The following HDGFL3 variants were observed in gnomAD, a reference collection of about 807,000 sequenced individuals.
HDGFL3 encodes HDGF like 3, also known as hepatoma-derived growth factor-related protein 3.
Under a neutral mutation model 27.6 loss-of-function variants are expected in HDGFL3, and 6 were observed. That is an observed-to-expected ratio of 0.22 (90% CI 0.12 to 0.43). The LOEUF (loss-of-function observed/expected upper bound fraction) is 0.43, where lower values mean the gene tolerates loss of function less well. Among genes scored for constraint, HDGFL3 ranks in the 20% least tolerant of loss-of-function variants. The pLI, the probability that HDGFL3 is intolerant of heterozygous loss-of-function variation, is 1.00. For synonymous variants in HDGFL3, 88 were observed against 88.9 expected (o/e 0.99, Z 0.05); for missense variants, 207 against 250.1 (o/e 0.83, Z 1.16).
Position 83,136,559 on chromosome 15 carries a change from CTTT to C in HDGFL3, c.*2708_*2710del, listed in dbSNP as rs757550296. 28 of 1,613,586 alleles carry C rather than the reference CTTT, an allele frequency of 1.7e-5. 1 individual carries two copies. The Admixed American group carries it at 4.7e-4, about 27-fold the overall frequency. On this transcript the variant is annotated 3_prime_UTR_variant, in exon 6 of 6. Transcript: ENST00000299633. ...CAGAGTCCCTGAAGAAGCAAAAATC[CTTT>C]TTTTAGCATTAAACATAGCATATGG... is the stretch of plus-strand genomic sequence containing the variant.
At chr15:83,145,076 C>T (rs577690612) in intron 5 of HDGFL3, among the ~76,000 whole-genome samples, 1 of 151,890 alleles carries the variant, frequency 6.6e-6, no homozygotes, top group Admixed American at 6.6e-5. Context: ...AAAAAGGGAC[C>T]CTCGTAAAAA....
Position 83,151,371 on chromosome 15 carries a change from T to C in HDGFL3, c.460-10A>G. On this transcript the variant is annotated splice_polypyrimidine_tract_variant and intron_variant, in intron 4 of 5. Coordinates refer to ENST00000299633, the MANE Select transcript of HDGFL3 (RefSeq NM_016073.4). ...ACTGTTTAGAGGATTTCTAAATGTT[T>C]AGACAAGTTAAATATTATAGTCAAA... 1 of 1,597,792 alleles carries C rather than the reference T, an allele frequency of 6.3e-7. No individual in the cohort carries two copies. The highest frequency in any genetic ancestry group is 1.1e-5 in the South Asian group (1 of 87,706).
At chr15:83,158,841 T>A (rs961254289) in intron 2 of HDGFL3, among the ~76,000 whole-genome samples, 23 of 152,158 alleles carry the variant, frequency 1.5e-4, no homozygotes, top group African/African-American at 5.5e-4. Context: ...TTATTCACTA[T>A]TATTTCTTTC....
intron 1 of HDGFL3, among the ~76,000 whole-genome samples, chr15:83,166,594 C>T (rs541228552): frequency 2.4e-4 from 36 of 152,234 alleles, no homozygotes; most frequent in African/African-American, 7.9e-4. Flanking sequence ...TCCTACATTG[C>T]TATAAAGAAG....
chr15:83,148,576 C>G (rs1042782557), intron 5 of HDGFL3, among the ~76,000 whole-genome samples: 1 of 151,574 alleles, frequency 6.6e-6, no homozygotes, highest in East Asian at 1.9e-4. Flanking sequence ...GAGCCAAGAT[C>G]GCACCACTGT....
At chr15:83,199,563 C>T (rs1043854569) in intron 1 of HDGFL3, among the ~76,000 whole-genome samples, 1 of 152,302 alleles carries the variant, frequency 6.6e-6, no homozygotes, top group East Asian at 1.9e-4. Context: ...ACTGACTCCC[C>T]TACACTGACA....
chr15:83,143,333 G>A (rs62010214), intron 5 of HDGFL3, among the ~76,000 whole-genome samples: 3 of 151,740 alleles, frequency 2.0e-5, no homozygotes, highest in African/African-American at 7.3e-5. Flanking sequence ...GCCTGTAATC[G>A]AAGCACTTTG....
At chr15:83,156,644 T>G (rs901211377) in intron 4 of HDGFL3, among the ~76,000 whole-genome samples, 2 of 152,200 alleles carry the variant, frequency 1.3e-5, no homozygotes, top group Admixed American at 6.5e-5. Context: ...CACCTACATT[T>G]GTGTAAGTAT....
intron 1 of HDGFL3, among the ~76,000 whole-genome samples, chr15:83,173,822 A>G (rs2037275436): frequency 6.6e-6 from 1 of 152,216 alleles, no homozygotes; most frequent in Admixed American, 6.5e-5. Context: ...AAAAGACTAC[A>G]AATAGGAAAG....
At chr15:83,164,133 T>C (rs895492941) in intron 1 of HDGFL3, 58 bp from the exon 2 acceptor site, 36 of 1,031,966 alleles carry the variant, frequency 3.5e-5, no homozygotes, top group Admixed American at 1.0e-4. Context: ...AATGTGAGCA[T>C]TGTTCTGATA....
intron 1 of HDGFL3, among the ~76,000 whole-genome samples, chr15:83,165,902 A>G (rs893978358): frequency 6.6e-6 from 1 of 151,974 alleles, no homozygotes; most frequent in African/African-American, 2.4e-5. Context: ...GACAAAAATA[A>G]AGGAAAAAGA....
chr15:83,171,054 TTTC>T (rs1012503661), intron 1 of HDGFL3, among the ~76,000 whole-genome samples: 1 of 152,112 alleles, frequency 6.6e-6, no homozygotes, highest in Non-Finnish European at 1.5e-5. Flanking sequence ...TGGCTACTAT[TTTC>T]TTTTTATTAT....
chr15:83,164,216 A>C, intron 1 of HDGFL3, 141 bp from the exon 2 acceptor site: 1 of 596,024 alleles, frequency 1.7e-6, no homozygotes, highest in Non-Finnish European at 2.8e-6. Flanking sequence ...AATGATTCTA[A>C]AGTTCCTATT....
At chr15:83,204,258 T>C (rs887262622) in intron 1 of HDGFL3, among the ~76,000 whole-genome samples, 2 of 151,954 alleles carry the variant, frequency 1.3e-5, no homozygotes, top group Non-Finnish European at 2.9e-5. Context: ...ATTTATATTA[T>C]ACCAATGTAT....
chr15:83,152,773 A>G (rs2036979354), intron 4 of HDGFL3, among the ~76,000 whole-genome samples: 1 of 152,002 alleles, frequency 6.6e-6, no homozygotes, highest in Non-Finnish European at 1.5e-5. Flanking sequence ...ACTTAACTGA[A>G]ACTACCAGCC....
intron 1 of HDGFL3, among the ~76,000 whole-genome samples, chr15:83,198,804 G>A (rs535837050): frequency 2.0e-5 from 3 of 152,204 alleles, no homozygotes; most frequent in South Asian, 2.1e-4. Context: ...CTCCAGAGAG[G>A]GAGAACTCAC....
intron 5 of HDGFL3, among the ~76,000 whole-genome samples, chr15:83,143,784 C>T (rs1167670692): frequency 6.6e-6 from 1 of 152,096 alleles, no homozygotes; most frequent in Non-Finnish European, 1.5e-5. Context: ...AGAACGGGTT[C>T]AGGGTCAGAA....
At chr15:83,203,323 T>C (rs1004564590) in intron 1 of HDGFL3, among the ~76,000 whole-genome samples, 3 of 152,094 alleles carry the variant, frequency 2.0e-5, no homozygotes, top group African/African-American at 7.2e-5. Context: ...AAAGTAAATT[T>C]TACTAGTATT....
intron 1 of HDGFL3, among the ~76,000 whole-genome samples, chr15:83,185,301 G>C (rs1458078401): frequency 6.6e-6 from 1 of 152,198 alleles, no homozygotes; most frequent in Non-Finnish European, 1.5e-5. Flanking sequence ...GCCCGGCCTA[G>C]AAGCTTTAAG....
Sources: gnomAD v4.1 joint callset for allele counts (sites outside exome capture counted in the v4.1 genomes callset) on GRCh38, gnomAD v4.1.1 for gene constraint, MANE v1.5 for transcripts, NCBI Gene and HGNC (gene_info 2026-07-23, HGNC 2026-07-21) for gene names.